AHCYL2: variants seen among roughly 807,000 people sequenced by gnomAD.
AHCYL2 encodes the protein adenosylhomocysteinase like 2, also known as S-adenosylhomocysteine hydrolase-like protein 2.
AHCYL2 carries 28 observed loss-of-function variants against 81.4 expected under a neutral mutation model. The observed-to-expected ratio is 0.34, with a 90% CI of 0.25 to 0.47. AHCYL2 has a LOEUF of 0.47. AHCYL2 is among the 20% of genes least tolerant of loss of function. The pLI, the probability that AHCYL2 is intolerant of heterozygous loss-of-function variation, is 1.00. For missense variants in AHCYL2, 551 were observed against 785.1 expected, an observed-to-expected ratio of 0.70 and a Z score of 3.56; for synonymous variants, 272 against 290.2, an observed-to-expected ratio of 0.94 and a Z score of 0.64.
At chr7:129,297,679 A>G (rs1436114679) in intron 1 of AHCYL2, among the ~76,000 whole-genome samples, 1 of 151,976 alleles carries the variant, frequency 6.6e-6, no homozygotes, top group Non-Finnish European at 1.5e-5. Context: ...TTTTTTTTTA[A>G]TGAGTGAAAG....
chr7:129,374,756 G>A (rs1794591565), intron 1 of AHCYL2, among the ~76,000 whole-genome samples: 1 of 146,746 alleles, frequency 6.8e-6, no homozygotes. Context: ...GCAGTGAGCC[G>A]AGATCGCATC....
chr7:129,310,028 C>G (rs576898626), intron 1 of AHCYL2, among the ~76,000 whole-genome samples: 77 of 152,174 alleles, frequency 5.1e-4, no homozygotes, highest in African/African-American at 1.6e-3. Context: ...TTTTTCCTTT[C>G]TGTCCCAGAG....
chr7:129,393,876 A>T (rs34783919), intron 4 of AHCYL2, among the ~76,000 whole-genome samples: 3,663 of 152,268 alleles, frequency 0.024, 74 homozygotes, highest in Admixed American at 0.057. Context: ...ATGTAACTGG[A>T]GTTCCAGAAG....
chr7:129,314,852 T>C (rs35381790), intron 1 of AHCYL2, among the ~76,000 whole-genome samples: 3,756 of 152,282 alleles, frequency 0.025, 78 homozygotes, highest in Admixed American at 0.058. Flanking sequence ...GAAGCCACAA[T>C]GGCAGTACAG....
rs139821403 is a variant in AHCYL2, at chr7:129,311,583, G to A, written c.364-68055G>A. Among the ~76,000 whole-genome samples the A allele has an allele frequency of 1.7e-3, 148 of 87,710 alleles. 1 individual carries two copies. The highest frequency in any genetic ancestry group is 5.8e-3 in the African/African-American group (134 of 23,258). 57.5% of individuals were successfully genotyped at this position (87,710 alleles called of 152,430 possible). ...TCTGGTCTTAACCCCACCCCCCACC[G>A]CGCCAGCAACTTGGGCAGAAAGTCC... On this transcript the variant is annotated intron_variant, in intron 1 of 16. Coordinates refer to ENST00000325006, the MANE Select transcript of AHCYL2 (RefSeq NM_015328.4).
At chr7:129,348,554 G>A (rs1175445929) in intron 1 of AHCYL2, among the ~76,000 whole-genome samples, 1 of 152,120 alleles carries the variant, frequency 6.6e-6, no homozygotes, top group Non-Finnish European at 1.5e-5. Flanking sequence ...TTGTGCCATA[G>A]TTAAAAACAA....
chr7:129,295,138 G>A (rs1426119172), intron 1 of AHCYL2, among the ~76,000 whole-genome samples: 1 of 152,206 alleles, frequency 6.6e-6, no homozygotes. Flanking sequence ...TGGCACAGGA[G>A]TTATTCTCCT....
At position 129,380,069 on chromosome 7, in the gene AHCYL2, C is replaced by T. The variant is rs922073721; in HGVS notation, c.475+320C>T. On this transcript the variant is annotated intron_variant, in intron 2 of 16. Transcript: ENST00000325006. ...AACAGTATGTGTATATACTTGTGGT[C>T]TTTTTTTTTTTTCATCCTTTGAAAA... Among the ~76,000 whole-genome samples, 15 of 144,410 alleles carry T rather than the reference C, an allele frequency of 1.0e-4. 1 individual carries two copies. The highest frequency in any genetic ancestry group is 7.0e-4 in the Admixed American group (10 of 14,374). 94.7% of individuals were successfully genotyped at this position (144,410 alleles called of 152,430 possible). A position where few individuals can be genotyped will look rare whatever the true frequency, so the allele number is the denominator to read the frequency against.
chr7:129,350,224 G>A (rs138597397), intron 1 of AHCYL2, among the ~76,000 whole-genome samples: 24 of 152,260 alleles, frequency 1.6e-4, no homozygotes, highest in African/African-American at 4.8e-4. Flanking sequence ...TATGAGCTCT[G>A]ATCTTGGGTC....
chr7:129,393,956 T>C (rs1465446033), intron 4 of AHCYL2, among the ~76,000 whole-genome samples: 1 of 152,210 alleles, frequency 6.6e-6, no homozygotes, highest in Non-Finnish European at 1.5e-5. Context: ...GTGATTTTTT[T>C]CTGCCAGTCT....
At chr7:129,327,296 G>A (rs1405861560) in intron 1 of AHCYL2, among the ~76,000 whole-genome samples, 1 of 152,190 alleles carries the variant, frequency 6.6e-6, no homozygotes, top group African/African-American at 2.4e-5. Flanking sequence ...ATGGCTAGTT[G>A]TCTGCAAGCC....
intron 2 of AHCYL2, among the ~76,000 whole-genome samples, chr7:129,388,523 C>A (rs1795304974): frequency 6.6e-6 from 1 of 152,196 alleles, no homozygotes; most frequent in African/African-American, 2.4e-5. Context: ...ATTGGGTCTG[C>A]AGGCACAATT....
chr7:129,425,212 G>A, intron 15 of AHCYL2, 71 bp downstream of exon 15: 1 of 1,404,546 alleles, frequency 7.1e-7, no homozygotes, highest in Non-Finnish European at 1.0e-6. Context: ...GAAGTTTGGG[G>A]GCATTAACTT....
intron 4 of AHCYL2, among the ~76,000 whole-genome samples, chr7:129,394,440 C>CTTTTTTTTTTTTTT (rs35797517): frequency 1.1e-4 from 5 of 45,746 alleles, no homozygotes; most frequent in South Asian, 9.2e-4. Flanking sequence ...TTGTATTTGA[C>CTTTTTTTTTTTTTT]TTTTTTTTTT....
intron 13 of AHCYL2, among the ~76,000 whole-genome samples, chr7:129,424,530 G>A (rs1466037261): frequency 1.3e-5 from 2 of 152,200 alleles, no homozygotes; most frequent in African/African-American, 4.8e-5. Context: ...GTCTTTAAAA[G>A]AAATGCCGAT....
At chr7:129,244,693 A>G (rs1794985992) in intron 1 of AHCYL2, among the ~76,000 whole-genome samples, 1 of 152,168 alleles carries the variant, frequency 6.6e-6, no homozygotes, top group Admixed American at 6.5e-5. Context: ...CCTCACCACC[A>G]AATACCATCA....
chr7:129,361,656 A>C (rs1793934246), intron 1 of AHCYL2, among the ~76,000 whole-genome samples: 1 of 152,154 alleles, frequency 6.6e-6, no homozygotes, highest in South Asian at 2.1e-4. Context: ...TTGGACACCC[A>C]GTCTTGTTCT....
In AHCYL2 at chr7:129,389,741, T is replaced by C; in HGVS notation, c.720+7T>C. 1 of 1,597,102 alleles carries C rather than the reference T, an allele frequency of 6.3e-7. No homozygotes were observed. Among genetic ancestry groups the C allele is most frequent in the Non-Finnish European group, 8.5e-7 (1 of 1,174,552 alleles). On this transcript the variant is annotated splice_region_variant and intron_variant, in intron 4 of 16. Transcript: ENST00000325006. ...CATCACTGCTCAGACTGCTGTGAGT[T>C]CTTTTCTTTTCTCCTTTTAATTACA...
At chr7:129,389,252 A>T in intron 3 of AHCYL2, 53 bp downstream of exon 3, 6 of 1,608,158 alleles carry the variant, frequency 3.7e-6, no homozygotes, top group Non-Finnish European at 4.2e-6. Context: ...CTTTTTGTCC[A>T]TATTAATCCC....
Sources: gnomAD v4.1 joint callset for allele counts (sites outside exome capture counted in the v4.1 genomes callset) on GRCh38, gnomAD v4.1.1 for gene constraint, MANE v1.5 for transcripts, NCBI Gene and HGNC (gene_info 2026-07-23, HGNC 2026-07-21) for gene names.